The following B4GALNT2 variants were observed in gnomAD, a reference collection of about 807,000 sequenced individuals.
B4GALNT2 encodes the protein N-acetylneuraminylgalactosylglucosyl-glucoside beta-1,4-N- acetylgalactosaminyltransferase 2.
A neutral mutation model predicts 51.1 loss-of-function variants in B4GALNT2; 42 were observed. The observed-to-expected ratio is 0.82, with a 90% CI of 0.64 to 1.06. The LOEUF (loss-of-function observed/expected upper bound fraction) is 1.06, where lower values mean the gene tolerates loss of function less well. Ranked by LOEUF, B4GALNT2 falls within the 50% of genes least tolerant of loss-of-function variation. The pLI, the probability that B4GALNT2 is intolerant of heterozygous loss-of-function variation, is 0.00. For synonymous variants in B4GALNT2, 253 were observed against 251.7 expected (o/e 1.01, Z -0.05); for missense variants, 602 against 633.6 (o/e 0.95, Z 0.54).
At chr17:49,123,299 T>C in the B4GALNT2 span, among the ~76,000 whole-genome samples, 115,066 of 152,126 alleles carry the variant, frequency 0.76, 44,008 homozygotes, top group Middle Eastern at 0.87. Context: ...TGGAGGCTTA[T>C]AGGCAGCACC....
At chr17:49,123,590 T>A in the B4GALNT2 span, among the ~76,000 whole-genome samples, 1 of 152,204 alleles carries the variant, frequency 6.6e-6, no homozygotes, top group Admixed American at 6.5e-5. Context: ...CAAGAATAAT[T>A]ATTTGTTACA....
At chr17:49,125,959 A>T in the B4GALNT2 span, among the ~76,000 whole-genome samples, 9 of 147,374 alleles carry the variant, frequency 6.1e-5, no homozygotes, top group African/African-American at 2.3e-4. Flanking sequence ...CTGGGAAGTG[A>T]GGAGCCCCTC....
At chr17:49,133,186 C>T (rs1329444800) in intron 1 of B4GALNT2, 2 of 1,505,354 alleles carry the variant, frequency 1.3e-6, no homozygotes, top group Non-Finnish European at 1.8e-6. Context: ...GCCTGGGGCC[C>T]GTTTGCTGCC....
intron 8 of B4GALNT2, among the ~76,000 whole-genome samples, chr17:49,164,634 T>C (rs1213263710): frequency 6.6e-6 from 1 of 150,762 alleles, no homozygotes; most frequent in Admixed American, 6.6e-5. Flanking sequence ...CCTGAGTAGG[T>C]GGGATTACCA....
intron 9 of B4GALNT2, among the ~76,000 whole-genome samples, chr17:49,168,193 A>G (rs1474160466): frequency 1.3e-5 from 2 of 152,242 alleles, no homozygotes; most frequent in Admixed American, 1.3e-4. Flanking sequence ...TCAAACATGA[A>G]AATGCACATC....
chr17:49,175,043 G>A lies in B4GALNT2; in HGVS notation c.*5315G>A, dbSNP rs1353938666. On this transcript the variant is annotated 3_prime_UTR_variant, in exon 11 of 11. Transcript: ENST00000393354. ...GTTGAATAGTCCCATGTTGTCCATC[G>A]GGCCCCTCACAATGCAAAATATAAT... The A allele has an allele frequency of 6.6e-6, 1 of 152,006 alleles. No homozygotes were observed. Among genetic ancestry groups the A allele is most frequent in the Non-Finnish European group, 1.5e-5 (1 of 68,006 alleles). The allele number at this position is 152,006 out of a possible 1,614,324, so 9.4% of individuals were successfully genotyped here. A position where few individuals can be genotyped will look rare whatever the true frequency, so the allele number is the denominator to read the frequency against.
chr17:49,172,665 A>G lies in B4GALNT2; in HGVS notation c.*2937A>G, dbSNP rs1033656496. ...ATGCCAGTAATGTGTTTAATATTCC[A>G]TATAGAGAAAAATGTAGCTAGAGCT... On this transcript the variant is annotated 3_prime_UTR_variant, in exon 11 of 11. Transcript: ENST00000393354. 5.2e-5 allele frequency: 8 copies of G among 153,526 alleles called. No individual in the cohort carries two copies. The highest frequency in any genetic ancestry group is 3.9e-4 in the Admixed American group (6 of 15,262). The allele number at this position is 153,526 out of a possible 1,614,324, so 9.5% of individuals were successfully genotyped here. A position where few individuals can be genotyped will look rare whatever the true frequency, so the allele number is the denominator to read the frequency against.
At chr17:49,137,070 T>C (rs925933961) in intron 1 of B4GALNT2, among the ~76,000 whole-genome samples, 2 of 152,098 alleles carry the variant, frequency 1.3e-5, no homozygotes, top group Non-Finnish European at 2.9e-5. Flanking sequence ...CCCACTTTTT[T>C]TTTTCCCCAA....
In B4GALNT2 at chr17:49,152,924, C is replaced by T; in HGVS notation, c.460+18C>T. The T allele has an allele frequency of 6.3e-7, 1 of 1,576,952 alleles. No homozygotes were observed. Among genetic ancestry groups the T allele is most frequent in the Non-Finnish European group, 8.7e-7 (1 of 1,152,646 alleles). ...CATCCCAGGTAAGTACATCCACATA[C>T]CAAGAGACCCCAGACAACATTCTCA... On this transcript the variant is annotated intron_variant, in intron 4 of 10. Transcript: ENST00000393354.
chr17:49,169,437 C>T, intron 10 of B4GALNT2, 86 bp from the exon 11 acceptor site: 1 of 1,318,748 alleles, frequency 7.6e-7, no homozygotes, highest in Admixed American at 1.7e-5. Context: ...TGTCCTCTCC[C>T]TGGGACTCTC....
chr17:49,123,654 A>G, the B4GALNT2 span, among the ~76,000 whole-genome samples: 2 of 152,222 alleles, frequency 1.3e-5, no homozygotes, highest in Non-Finnish European at 2.9e-5. Flanking sequence ...GGAATCTCAG[A>G]TAAGACTTTT....
At position 49,142,165 on chromosome 17, in the gene B4GALNT2, C is replaced by T. The variant is rs771591485; in HGVS notation, c.346C>T (p.Gln116Ter). The T allele has an allele frequency of 1.2e-6, 2 of 1,614,060 alleles. No individual in the cohort carries two copies. The highest frequency in any genetic ancestry group is 2.2e-5 in the South Asian group (2 of 91,072). Residue 116 changes from glutamine (Q) to a stop codon, truncating the protein, a stop_gained, in exon 3 of 11, where the codon CAG becomes TAG. Coordinates refer to ENST00000393354, the MANE Select transcript of B4GALNT2 (RefSeq NM_001159387.2). LOFTEE classifies it high-confidence loss of function. ...GAGACAGGCTGAATTTGAACACTTTCAGAGGAGGTAATGCGGGTCATGAAG... is the reference window on the plus strand; with the variant it reads ...GAGACAGGCTGAATTTGAACACTTTTAGAGGAGGTAATGCGGGTCATGAAG... ...ARRQAEFEHF[Q>*]RREGLPRPLP...
Position 49,160,739 on chromosome 17 carries a change from A to T in B4GALNT2, c.766+98A>T, listed in dbSNP as rs141565774. On this transcript the variant is annotated intron_variant, in intron 7 of 10. Transcript: ENST00000393354. ...CTCTGAGACGGAGGAGAATTGATCA[A>T]AATGACAGCTCTGATATGCTCCCTG... 2.4e-4 allele frequency: 283 copies of T among 1,162,706 alleles called. 1 individual carries two copies. In the African/African-American group the frequency reaches 3.1e-3, roughly 13 times the overall value. The allele number at this position is 1,162,706 out of a possible 1,614,324, so 72.0% of individuals were successfully genotyped here. A position where few individuals can be genotyped will look rare whatever the true frequency, so the allele number is the denominator to read the frequency against.
At position 49,159,185 on chromosome 17, in the gene B4GALNT2, G is replaced by A; in HGVS notation, c.647G>A (p.Ser216Asn). The A allele has an allele frequency of 6.2e-7, 1 of 1,614,170 alleles. No homozygotes were observed. The highest frequency in any genetic ancestry group is 8.5e-7 in the Non-Finnish European group (1 of 1,180,024). ...KFILQHVTYTSTGYQHQKVDI... is the reference protein window; with the variant it reads ...KFILQHVTYTNTGYQHQKVDI... ...ATTCTTCAGCACGTGACATACACCA[G>A]CACGGGGTACCAGCACCAGAAGGTA... The change falls in exon 6 of 11, where the codon AGC (serine) becomes AAC (asparagine). Residue 216 changes from serine to asparagine, a missense_variant. By Grantham distance (46) the Ser-to-Asn change is conservative. Coordinates refer to ENST00000393354, the MANE Select transcript of B4GALNT2 (RefSeq NM_001159387.2).
chr17:49,174,539 G>A lies in B4GALNT2; in HGVS notation c.*4811G>A, dbSNP rs2042976319. The A allele has an allele frequency of 6.6e-6, 1 of 152,174 alleles. No homozygotes were observed. Among genetic ancestry groups the A allele is most frequent in the Admixed American group, 6.5e-5 (1 of 15,272 alleles). 9.4% of individuals were successfully genotyped at this position (152,174 alleles called of 1,614,324 possible). A position where few individuals can be genotyped will look rare whatever the true frequency, so the allele number is the denominator to read the frequency against. On this transcript the variant is annotated 3_prime_UTR_variant, in exon 11 of 11. Transcript: ENST00000393354. The stretch of plus-strand genomic sequence containing the variant: ...CAGTCCTGGCTGCAATGTCCCCATA[G>A]GTTGTATAACTGAATTAATGGCTCT...
At chr17:49,147,378 C>G (rs72835411) in intron 3 of B4GALNT2, among the ~76,000 whole-genome samples, 1 of 104,854 alleles carries the variant, frequency 9.5e-6, no homozygotes, top group African/African-American at 3.0e-5. Flanking sequence ...TTCTTTCTTT[C>G]TTTTTTTTTT....
At chr17:49,125,970 T>C in the B4GALNT2 span, among the ~76,000 whole-genome samples, 1,292 of 150,332 alleles carry the variant, frequency 8.6e-3, 23 homozygotes, top group African/African-American at 0.03. Flanking sequence ...GGAGCCCCTC[T>C]GCCCGGCCGC....
Position 49,166,107 on chromosome 17 carries a change from T to C in B4GALNT2, c.955-7T>C. On this transcript the variant is annotated splice_polypyrimidine_tract_variant and splice_region_variant and intron_variant, in intron 8 of 10. Coordinates refer to ENST00000393354, the MANE Select transcript of B4GALNT2 (RefSeq NM_001159387.2). ...CAACCACTCCTTTAACCTCATTTCATCTACAGGGTTGGTTTGCTGGTAGGA... is the reference window on the plus strand; with the variant it reads ...CAACCACTCCTTTAACCTCATTTCACCTACAGGGTTGGTTTGCTGGTAGGA... 6.2e-7 allele frequency: 1 copy of C among 1,613,490 alleles called. No homozygotes were observed.
chr17:49,140,157 G>A lies in B4GALNT2; in HGVS notation c.15-1090G>A, dbSNP rs905333018. Among the ~76,000 whole-genome samples, 9 of 151,176 alleles carry A rather than the reference G, an allele frequency of 6.0e-5. No homozygotes were observed. The East Asian group carries it at 1.4e-3, about 23-fold the overall frequency. ...TCTCTCTTGCCCAGGCTGGAGTGCA[G>A]TGGCGTGATCTCAGCTCACTGCGAC... On this transcript the variant is annotated intron_variant, in intron 1 of 10. Transcript: ENST00000393354.
Sources: allele counts gnomAD v4.1 joint callset (sites outside exome capture counted in the v4.1 genomes callset), GRCh38; gene constraint gnomAD v4.1.1; transcripts MANE v1.5; gene names NCBI Gene and HGNC (gene_info 2026-07-23, HGNC 2026-07-21).